The following FRMPD2 variants were observed in gnomAD, a reference collection of about 807,000 sequenced individuals.
The protein encoded by FRMPD2 is FERM and PDZ domain-containing protein 2.
Under a neutral mutation model 140.1 loss-of-function variants are expected in FRMPD2, and 96 were observed. The observed-to-expected ratio is 0.69, with a 90% CI of 0.58 to 0.81. The LOEUF (loss-of-function observed/expected upper bound fraction) is 0.81. Among genes scored for constraint, FRMPD2 ranks in the 40% least tolerant of loss-of-function variants. FRMPD2 has a pLI of 0.00. For synonymous variants in FRMPD2, 449 were observed against 547.6 expected, an observed-to-expected ratio of 0.82 and a Z score of 2.52; for missense variants, 1,240 against 1,447.4, an observed-to-expected ratio of 0.86 and a Z score of 2.32.
Position 48,192,910 on chromosome 10 carries a change from A to G in FRMPD2, c.1955-16T>C, listed in dbSNP as rs1388707983. 7 of 1,590,900 alleles carry G rather than the reference A, an allele frequency of 4.4e-6. No individual in the cohort carries two copies. The highest frequency in any genetic ancestry group is 6.0e-6 in the Non-Finnish European group (7 of 1,161,314). On this transcript the variant is annotated splice_polypyrimidine_tract_variant and intron_variant, in intron 15 of 28. Transcript: ENST00000374201. ...TTATCATGGTCTGAATTTGGGGAGA[A>G]AAACATAGACATACACACACACAAG...
chr10:48,215,101 T>A (rs950158496), intron 12 of FRMPD2, among the ~76,000 whole-genome samples: 5 of 152,242 alleles, frequency 3.3e-5, no homozygotes, highest in African/African-American at 1.2e-4. Flanking sequence ...TGTAATCATG[T>A]TGCTTCCCTG....
chr10:48,195,905 A>G (rs1419359397), intron 15 of FRMPD2, among the ~76,000 whole-genome samples: 1 of 152,208 alleles, frequency 6.6e-6, no homozygotes, highest in Non-Finnish European at 1.5e-5. Context: ...CATATCCACA[A>G]ATAAAAGTGG....
intron 16 of FRMPD2, among the ~76,000 whole-genome samples, chr10:48,190,946 T>A (rs1180932585): frequency 6.6e-6 from 1 of 152,104 alleles, no homozygotes; most frequent in East Asian, 1.9e-4. Flanking sequence ...AACAATGAAG[T>A]GCTATAAGGT....
intron 17 of FRMPD2, 45 bp from the exon 18 acceptor site, chr10:48,185,690 T>A: frequency 1.4e-6 from 2 of 1,420,956 alleles, no homozygotes; most frequent in Non-Finnish European, 2.0e-6. Context: ...TCCCCCAAAT[T>A]ATTTGGGAGC....
intron 13 of FRMPD2, among the ~76,000 whole-genome samples, chr10:48,208,333 TTTA>T (rs1254669113): frequency 1.3e-4 from 20 of 152,258 alleles, no homozygotes; most frequent in African/African-American, 4.3e-4. Context: ...TATATTTTAA[TTTA>T]TTGTTTACCT....
chr10:48,187,969 T>C (rs982614232), intron 16 of FRMPD2, among the ~76,000 whole-genome samples: 14 of 152,228 alleles, frequency 9.2e-5, no homozygotes, highest in African/African-American at 3.4e-4. Context: ...AAGGGAGATG[T>C]TGCCACAGCC....
chr10:48,200,872 G>A (rs561464825), intron 15 of FRMPD2, among the ~76,000 whole-genome samples: 12 of 152,166 alleles, frequency 7.9e-5, no homozygotes, highest in Non-Finnish European at 1.0e-4. Context: ...CACCCTAGTA[G>A]ACATCCATGG....
Position 48,178,152 on chromosome 10 carries a change from C to G in FRMPD2, c.2791-1G>C, listed in dbSNP as rs781983628. On this transcript the variant is annotated splice_acceptor_variant, in intron 21 of 28. Coordinates refer to ENST00000374201, the MANE Select transcript of FRMPD2 (RefSeq NM_001018071.4). LOFTEE classifies it high-confidence loss of function. ...ATGGAGGACAAGAAGAACCAGCACC[C>G]TGCCATAAACAAACAAACAAAAATA... 4.7e-6 allele frequency: 7 copies of G among 1,478,974 alleles called. No homozygotes were observed. In the East Asian group the frequency reaches 9.0e-5, roughly 19 times the overall value. 91.6% of individuals were successfully genotyped at this position (1,478,974 alleles called of 1,614,324 possible). A position where few individuals can be genotyped will look rare whatever the true frequency, so the allele number is the denominator to read the frequency against.
At position 48,254,203 on chromosome 10, in the gene FRMPD2, G is replaced by A. The variant is rs17780287; in HGVS notation, c.26-2512C>T. Among the ~76,000 whole-genome samples the A allele has an allele frequency of 5.6e-3, 854 of 152,258 alleles. 16 individuals are homozygous for A. The highest frequency in any genetic ancestry group is 0.029 in the Admixed American group (450 of 15,298). ...TACGGTGGAATGTTATGATCTGTCC[G>A]CAGTGGCAAGTTGGTTTCTGAAGAG... On this transcript the variant is annotated intron_variant, in intron 1 of 28. Transcript: ENST00000374201.
chr10:48,241,990 A>G (rs1180294726), intron 5 of FRMPD2, 171 bp downstream of exon 5: 1 of 499,738 alleles, frequency 2.0e-6, no homozygotes, highest in African/African-American at 1.9e-5. Context: ...ACCCTGTTCA[A>G]TAGGGTCATC....
At chr10:48,270,209 G>A (rs1395119506) in intron 1 of FRMPD2, among the ~76,000 whole-genome samples, 1 of 152,162 alleles carries the variant, frequency 6.6e-6, no homozygotes, top group East Asian at 1.9e-4. Flanking sequence ...TAGTGGACGT[G>A]GTCTCGAGGC....
chr10:48,216,459 G>C (rs938912121), intron 12 of FRMPD2, among the ~76,000 whole-genome samples: 1 of 152,188 alleles, frequency 6.6e-6, no homozygotes, highest in Admixed American at 6.5e-5. Flanking sequence ...CCAGGTCTGA[G>C]TAAGAGACTA....
rs1840015705 is a variant in FRMPD2 at position 48,238,145 on chromosome 10, G to C, written c.789-22C>G. 15 of 1,602,194 alleles carry C rather than the reference G, an allele frequency of 9.4e-6. No individual in the cohort carries two copies. The East Asian group carries it at 3.3e-4, about 36-fold the overall frequency. The stretch of plus-strand genomic sequence containing the variant: ...AGCGCTGGCCAGGGGTTGAGAAGGG[G>C]TGAAGCACTTAGCAATGGCAAGGGC... On this transcript the variant is annotated intron_variant, in intron 7 of 28. Coordinates refer to ENST00000374201, the MANE Select transcript of FRMPD2 (RefSeq NM_001018071.4).
intron 14 of FRMPD2, among the ~76,000 whole-genome samples, 157 bp downstream of exon 14, chr10:48,206,591 C>T (rs547941832): frequency 6.6e-6 from 1 of 152,304 alleles, no homozygotes; most frequent in East Asian, 1.9e-4. Context: ...TTCCAAATAT[C>T]CTGCAATGCA....
Position 48,164,512 on chromosome 10 carries a change from T to TGGGTTCCCACCCCTGCCC in FRMPD2, c.3538-859_3538-842dup, listed in dbSNP as rs1172757569. 2.7e-5 allele frequency among the ~76,000 whole-genome samples: 4 copies of TGGGTTCCCACCCCTGCCC among 148,410 alleles called. 1 individual carries two copies. The highest frequency in any genetic ancestry group is 5.9e-5 in the Non-Finnish European group (4 of 67,240). ...TACCTGATGTAATAGAGCCCATGCC[T>TGGGTTCCCACCCCTGCCC]GGGTTCCCACCCCTGCCCTCACCTA... On this transcript the variant is annotated intron_variant, in intron 27 of 28. Transcript: ENST00000374201.
Position 48,274,620 on chromosome 10 carries a change from C to A in FRMPD2, c.-53G>T, listed in dbSNP as rs545881537. The A allele has an allele frequency of 1.4e-4, 218 of 1,579,884 alleles. No homozygotes were observed. Among genetic ancestry groups the A allele is most frequent in the Non-Finnish European group, 1.8e-4 (210 of 1,150,076 alleles). ...CCTTCATCATGGGACAACTTTCCAACAAGGAGCAGGGGTCTCTTGCAAGTC... is the reference window on the plus strand; with the variant it reads ...CCTTCATCATGGGACAACTTTCCAAAAAGGAGCAGGGGTCTCTTGCAAGTC... On this transcript the variant is annotated 5_prime_UTR_variant, in exon 1 of 29. Coordinates refer to ENST00000374201, the MANE Select transcript of FRMPD2 (RefSeq NM_001018071.4).
At chr10:48,159,781 G>T (rs1837884646) in intron 28 of FRMPD2, among the ~76,000 whole-genome samples, 1 of 151,500 alleles carries the variant, frequency 6.6e-6, no homozygotes, top group African/African-American at 2.4e-5. Flanking sequence ...AATGATATGT[G>T]CTAGGCAAAA....
intron 12 of FRMPD2, among the ~76,000 whole-genome samples, chr10:48,221,304 G>C (rs1470351080): frequency 6.6e-6 from 1 of 152,164 alleles, no homozygotes; most frequent in Non-Finnish European, 1.5e-5. Flanking sequence ...GGTGGAATTA[G>C]AGACCATTAT....
intron 15 of FRMPD2, chr10:48,199,562 C>T (rs1003822762): frequency 5.3e-5 from 8 of 152,234 alleles, no homozygotes; most frequent in African/African-American, 1.9e-4. Context: ...GGTCACCATG[C>T]TGTCCACCTG....
Sources: gnomAD v4.1 joint callset for allele counts (sites outside exome capture counted in the v4.1 genomes callset) on GRCh38, gnomAD v4.1.1 for gene constraint, MANE v1.5 for transcripts, NCBI Gene and HGNC (gene_info 2026-07-23, HGNC 2026-07-21) for gene names.